Variants in WEE1 observed in about 807,000 individuals in gnomAD.
The protein encoded by WEE1 is WEE1 G2 checkpoint kinase, also known as wee1-like protein kinase.
WEE1 carries 16 observed loss-of-function variants against 68.8 expected under a neutral mutation model. The observed-to-expected ratio is 0.23, with a 90% CI of 0.16 to 0.35. WEE1 has a LOEUF of 0.35. Ranked by LOEUF, WEE1 falls within the 10% of genes least tolerant of loss-of-function variation. The pLI, the probability that WEE1 is intolerant of heterozygous loss-of-function variation, is 1.00. For missense variants in WEE1, 651 were observed against 824.1 expected (o/e 0.79, Z 2.57); for synonymous variants, 349 against 318.7 (o/e 1.09, Z -1.01).
chr11:9,586,417 C>T (rs757607377), intron 8 of WEE1, 32 bp from the exon 9 acceptor site: 22 of 1,583,040 alleles, frequency 1.4e-5, no homozygotes, highest in Non-Finnish European at 2.6e-6. Flanking sequence ...ACCATGTTTA[C>T]ATTCCTTTAA....
intron 6 of WEE1, among the ~76,000 whole-genome samples, chr11:9,584,589 CTA>C (rs2134354831): frequency 6.6e-6 from 1 of 152,030 alleles, no homozygotes; most frequent in East Asian, 1.9e-4. Context: ...AAGGTAGATG[CTA>C]TATGGTCAGC....
At chr11:9,585,779 G>C (rs999756292) in intron 8 of WEE1, among the ~76,000 whole-genome samples, 1 of 152,150 alleles carries the variant, frequency 6.6e-6, no homozygotes, top group Non-Finnish European at 1.5e-5. Context: ...GGAGATCAGA[G>C]TATTAGTATT....
At position 9,588,735 on chromosome 11, in the gene WEE1, A is replaced by T; in HGVS notation, c.*133A>T. The T allele has an allele frequency of 1.1e-5, 15 of 1,347,718 alleles. No homozygotes were observed. Among genetic ancestry groups the T allele is most frequent in the Non-Finnish European group, 1.4e-5 (15 of 1,048,126 alleles). 83.5% of individuals were successfully genotyped at this position (1,347,718 alleles called of 1,614,324 possible). A position where few individuals can be genotyped will look rare whatever the true frequency, so the allele number is the denominator to read the frequency against. ...TTACTGATTAGGACTTTTATTGTGAATTACAGTTGAAAGCTGTATTTTGAT... is the reference window on the plus strand; with the variant it reads ...TTACTGATTAGGACTTTTATTGTGATTTACAGTTGAAAGCTGTATTTTGAT... On this transcript the variant is annotated 3_prime_UTR_variant, in exon 11 of 11. Transcript: ENST00000450114.
In WEE1 at chr11:9,574,354, G is replaced by C. The variant is rs1290558582; in HGVS notation, c.421G>C (p.Val141Leu). Residue 141 changes from valine (V) to leucine (L), a missense_variant, in exon 1 of 11, where the codon GTG becomes CTG. Transcript: ENST00000450114. The surrounding 1 kb of genome is among the most constrained non-coding windows in gnomAD (Gnocchi z 4.9). ...CTTCCTGGGTAGCTCTTTCTCGCCG[G>C]TGCGCTGCGGCGGCCCAGGAGATGC... is the stretch of plus-strand genomic sequence containing the variant. ...PYFLGSSFSP[V>L]RCGGPGDASP... 1.6e-6 allele frequency: 2 copies of C among 1,248,070 alleles called. No individual in the cohort carries two copies. The highest frequency in any genetic ancestry group is 1.6e-5 in the African/African-American group (1 of 63,576). The allele number at this position is 1,248,070 out of a possible 1,614,324, so 77.3% of individuals were successfully genotyped here.
chr11:9,583,093 A>C (rs917286982), intron 6 of WEE1, among the ~76,000 whole-genome samples: 2 of 151,974 alleles, frequency 1.3e-5, no homozygotes, highest in African/African-American at 2.4e-5. Flanking sequence ...AGGCAGGCAG[A>C]TCACGAGGCA....
At chr11:9,583,800 CACATATATAT>C (rs1487745698) in intron 6 of WEE1, among the ~76,000 whole-genome samples, 74 of 18,148 alleles carry the variant, frequency 4.1e-3, no homozygotes, top group African/African-American at 9.0e-3. Flanking sequence ...CACACACACA[CACATATATAT>C]ATATATATAT....
rs747692475 is a variant in WEE1 at position 9,575,954 on chromosome 11, A to G, written c.643A>G (p.Met215Val). The change falls in exon 2 of 11, where the codon ATG (methionine) becomes GTG (valine). Residue 215 changes from methionine to valine, a missense_variant. Physicochemically the swap from Met to Val is conservative, Grantham distance 21 (BLOSUM62 1). Transcript: ENST00000450114. Reference protein sequence around the residue: ...SVKLRGSSLFMDTEKSGKREF... With the variant: ...SVKLRGSSLFVDTEKSGKREF... ...TAAACTCCGGGGTAGTTCTCTCTTC[A>G]TGGATACAGAAAAATCAGGAAAAAG... The G allele has an allele frequency of 1.9e-6, 3 of 1,614,062 alleles. No homozygotes were observed. Among genetic ancestry groups the G allele is most frequent in the East Asian group, 2.2e-5 (1 of 44,882 alleles).
At chr11:9,577,053 ATTT>A in intron 4 of WEE1, 86 bp from the exon 5 acceptor site, 3 of 1,450,088 alleles carry the variant, frequency 2.1e-6, no homozygotes, top group Non-Finnish European at 2.8e-6. Context: ...GATACCAAAA[ATTT>A]ATTGTATGAA....
chr11:9,581,398 A>G (rs995732270), intron 5 of WEE1, 134 bp from the exon 6 acceptor site: 11 of 735,164 alleles, frequency 1.5e-5, no homozygotes, highest in South Asian at 2.2e-5. Flanking sequence ...TTTCACAAGC[A>G]GGTTGAAGGG....
In WEE1 at chr11:9,574,008, G is replaced by T; in HGVS notation, c.75G>T (p.Leu25=). The change falls in exon 1 of 11, where the codon CTG becomes CTT. Residue 25 remains leucine, a synonymous_variant. Coordinates refer to ENST00000450114, the MANE Select transcript of WEE1 (RefSeq NM_003390.4). The surrounding 1 kb of genome is among the most constrained non-coding windows in gnomAD (Gnocchi z 4.9). The part of the protein sequence containing the change: ...AGAACTLRQK[L]IFSPCSDCEE... The stretch of plus-strand genomic sequence containing the variant: ...CGGCCTGCACCTTGCGGCAGAAGCT[G>T]ATCTTCTCGCCCTGCAGCGACTGTG... 4 of 1,287,252 alleles carry T rather than the reference G, an allele frequency of 3.1e-6. No homozygotes were observed. Among genetic ancestry groups the T allele is most frequent in the Non-Finnish European group, 3.9e-6 (4 of 1,016,648 alleles). The allele number at this position is 1,287,252 out of a possible 1,614,324, so 79.7% of individuals were successfully genotyped here.
intron 5 of WEE1, chr11:9,579,533 T>C (rs1849601702): frequency 1.3e-5 from 2 of 152,260 alleles, no homozygotes; most frequent in East Asian, 1.9e-4. Context: ...TAGAAAAATA[T>C]TGATGGATAG....
In WEE1 at chr11:9,589,242, A is replaced by G. The variant is rs147995463; in HGVS notation, c.*640A>G. On this transcript the variant is annotated 3_prime_UTR_variant, in exon 11 of 11. Transcript: ENST00000450114. Reference sequence around the variant, plus strand: ...TTTTTGAAACAATTATGTGAAATGTATAGCTGCTTTTGATGAAAAGCAGCT... The same window carrying G: ...TTTTTGAAACAATTATGTGAAATGTGTAGCTGCTTTTGATGAAAAGCAGCT... The G allele has an allele frequency of 7.1e-6, 7 of 983,994 alleles. No individual in the cohort carries two copies. The highest frequency in any genetic ancestry group is 3.5e-5 in the African/African-American group (2 of 56,936). 61.0% of individuals were successfully genotyped at this position (983,994 alleles called of 1,614,324 possible). A position where few individuals can be genotyped will look rare whatever the true frequency, so the allele number is the denominator to read the frequency against.
Position 9,576,772 on chromosome 11 carries a change from T to C in WEE1, c.1019+113T>C. 1 of 1,147,686 alleles carries C rather than the reference T, an allele frequency of 8.7e-7. No individual in the cohort carries two copies. The highest frequency in any genetic ancestry group is 2.4e-5 in the East Asian group (1 of 41,274). 71.1% of individuals were successfully genotyped at this position (1,147,686 alleles called of 1,614,324 possible). A position where few individuals can be genotyped will look rare whatever the true frequency, so the allele number is the denominator to read the frequency against. ...ATCTCTAACTTTTGAGAAGCTGTAATGATTTAATCAGGTCCTTTTCACTTA... is the reference window on the plus strand; with the variant it reads ...ATCTCTAACTTTTGAGAAGCTGTAACGATTTAATCAGGTCCTTTTCACTTA... On this transcript the variant is annotated intron_variant, in intron 4 of 10. Coordinates refer to ENST00000450114, the MANE Select transcript of WEE1 (RefSeq NM_003390.4). The surrounding 1 kb of genome is among the most constrained non-coding windows in gnomAD (Gnocchi z 4.3).
At chr11:9,580,528 A>G (rs1480696936) in intron 5 of WEE1, 3 of 141,176 alleles carry the variant, frequency 2.1e-5, no homozygotes, top group Non-Finnish European at 4.5e-5. Context: ...CAATGGCCCG[A>G]TATCGGCTCA....
chr11:9,577,799 C>T (rs1849580503), intron 5 of WEE1: 1 of 447,114 alleles, frequency 2.2e-6, no homozygotes, highest in South Asian at 1.6e-5. Context: ...TCTTTTAGTT[C>T]TCTAGCTTGT....
In WEE1 at chr11:9,576,555, C is replaced by T. The variant is rs766922826; in HGVS notation, c.915C>T (p.Ile305=). Residue 305 remains isoleucine, a synonymous_variant, in exon 4 of 11, where the codon ATC becomes ATT. Coordinates refer to ENST00000450114, the MANE Select transcript of WEE1 (RefSeq NM_003390.4). The surrounding 1 kb of genome is among the most constrained non-coding windows in gnomAD (Gnocchi z 4.3). ...CAGAATTTCATGAGCTAGAGAAAAT[C>T]GGCTCTGGAGAATTTGGTTCTGTAT... ...YTTEFHELEK[I]GSGEFGSVFK... The T allele has an allele frequency of 6.2e-6, 10 of 1,613,928 alleles. No homozygotes were observed. Among genetic ancestry groups the T allele is most frequent in the East Asian group, 4.5e-5 (2 of 44,856 alleles).
At position 9,586,810 on chromosome 11, in the gene WEE1, C is replaced by T. The variant is rs1466998319; in HGVS notation, c.1741C>T (p.Arg581Ter). 2 of 1,613,002 alleles carry T rather than the reference C, an allele frequency of 1.2e-6. No homozygotes were observed. The highest frequency in any genetic ancestry group is 1.7e-5 in the Admixed American group (1 of 59,800). The part of the protein sequence containing the change: ...SASRKSAEQL[R>*]IELNAEKFKN... The stretch of plus-strand genomic sequence containing the variant: ...TTCTAGAAAGAGTGCAGAACAATTA[C>T]GAATAGAATTGAATGCCGAAAAGTT... The change falls in exon 10 of 11, where the codon CGA becomes TGA. Residue 581 changes from arginine (R) to a stop codon, truncating the protein, a stop_gained. Transcript: ENST00000450114. LOFTEE classifies it high-confidence loss of function.
Position 9,587,285 on chromosome 11 carries a change from C to T in WEE1, c.1787+429C>T, listed in dbSNP as rs576453554. On this transcript the variant is annotated intron_variant, in intron 10 of 10. Transcript: ENST00000450114. ...TCCAGTAGTTCGATATGTTGTTATA[C>T]GGTGAAAGCTTGGGGACTTCTGCCA... Among the ~76,000 whole-genome samples the T allele has an allele frequency of 1.1e-4, 16 of 152,240 alleles. No individual in the cohort carries two copies. The East Asian group carries it at 2.9e-3, about 27-fold the overall frequency.
At chr11:9,581,730 A>C in intron 6 of WEE1, 52 bp downstream of exon 6, 1 of 1,514,064 alleles carries the variant, frequency 6.6e-7, no homozygotes, top group South Asian at 1.3e-5. Context: ...TAGAGAATAA[A>C]TTACTTCATT....
Sources: allele counts gnomAD v4.1 joint callset (sites outside exome capture counted in the v4.1 genomes callset), GRCh38; gene constraint gnomAD v4.1.1; non-coding constraint Gnocchi (gnomAD v3.1); transcripts MANE v1.5; gene names NCBI Gene and HGNC (gene_info 2026-07-23, HGNC 2026-07-21).